Variants in UBR1 observed in about 807,000 individuals in gnomAD.
UBR1 encodes the protein ubiquitin protein ligase E3 component n-recognin 1, also known as E3 ubiquitin-protein ligase UBR1.
Under a neutral mutation model 242.1 loss-of-function variants are expected in UBR1, and 102 were observed. The ratio of observed to expected loss-of-function variants is 0.42; its 90% CI spans 0.36 to 0.50. The LOEUF (loss-of-function observed/expected upper bound fraction) is 0.50, where lower values mean the gene tolerates loss of function less well. UBR1 is among the 20% of genes least tolerant of loss of function. UBR1 has a pLI of 0.01. For missense variants in UBR1, 1,772 were observed against 2,101.8 expected (o/e 0.84, Z 3.07); for synonymous variants, 675 against 684.8 (o/e 0.99, Z 0.22).
rs750948370 is a variant in UBR1 at position 43,024,854 on chromosome 15, A to C, written c.2714T>G (p.Leu905Trp). The change falls in exon 25 of 47, where the codon TTG becomes TGG. Residue 905 changes from leucine (L) to tryptophan (W), a missense_variant. Leu to Trp is a moderately conservative substitution (Grantham distance 61). This residue lies in a region of UBR1 where 965 missense variants were observed against 1,079.7 expected (regional missense o/e 0.89). Coordinates refer to ENST00000290650, the MANE Select transcript of UBR1 (RefSeq NM_174916.3). ...FERAIDTDSN[L>W]WTEGMLQMAF... is the part of the protein sequence containing the mutation. ...CATTTGGAGCATCCCTTCGGTCCAC[A>C]AGTTAGAATCTGTGTCTATTGCCCG... The C allele has an allele frequency of 6.2e-7, 1 of 1,614,182 alleles. No individual in the cohort carries two copies. Among genetic ancestry groups the C allele is most frequent in the Non-Finnish European group, 8.5e-7 (1 of 1,180,024 alleles).
chr15:43,007,339 T>A (rs557501337), intron 29 of UBR1, 55 bp from the exon 30 acceptor site: 1 of 1,544,206 alleles, frequency 6.5e-7, no homozygotes, highest in Non-Finnish European at 8.9e-7. Context: ...CTTGTCTTCA[T>A]ATTTTGGTAG....
At chr15:42,991,255 G>A (rs547468800) in intron 33 of UBR1, among the ~76,000 whole-genome samples, 631 of 150,960 alleles carry the variant, frequency 4.2e-3, no homozygotes, top group African/African-American at 0.011. Flanking sequence ...CAGCCTGGGC[G>A]ACAAAGCGAC....
Position 43,060,059 on chromosome 15 carries a change from T to C in UBR1, c.854A>G (p.Asp285Gly), listed in dbSNP as rs780542374. 6.2e-7 allele frequency: 1 copy of C among 1,614,160 alleles called. No individual in the cohort carries two copies. Among genetic ancestry groups the C allele is most frequent in the Non-Finnish European group, 8.5e-7 (1 of 1,180,012 alleles). ...CCTAATTCAGAAAGTTACCTTTATATCTTCCTTTGCTTCCTGGCAAGCAGC... is the reference window on the plus strand; with the variant it reads ...CCTAATTCAGAAAGTTACCTTTATACCTTCCTTTGCTTCCTGGCAAGCAGC... ...AYAACQEAKEDIKSHSENVSQ... is the reference protein window; with the variant it reads ...AYAACQEAKEGIKSHSENVSQ... Residue 285 changes from aspartate (D) to glycine (G), a missense_variant, in exon 7 of 47, where the codon GAT (aspartate) becomes GGT (glycine). Transcript: ENST00000290650.
At chr15:43,058,761 A>C (rs2033647826) in intron 9 of UBR1, among the ~76,000 whole-genome samples, 3 of 152,084 alleles carry the variant, frequency 2.0e-5, no homozygotes, top group Admixed American at 2.0e-4. Flanking sequence ...AGATTTTTAC[A>C]ATGAAAATAG....
intron 33 of UBR1, among the ~76,000 whole-genome samples, chr15:42,997,447 C>G (rs2032657366): frequency 6.6e-6 from 1 of 152,224 alleles, no homozygotes; most frequent in African/African-American, 2.4e-5. Flanking sequence ...CGAGGAAAAA[C>G]TGTCTTCCAT....
intron 1 of UBR1, among the ~76,000 whole-genome samples, chr15:43,087,775 C>A (rs898202271): frequency 6.6e-6 from 1 of 151,840 alleles, no homozygotes; most frequent in Non-Finnish European, 1.5e-5. Flanking sequence ...TATTTTTAAT[C>A]GTCAAAGACT....
Position 42,944,881 on chromosome 15 carries a change from A to C in UBR1, c.*448T>G, listed in dbSNP as rs181719334. On this transcript the variant is annotated 3_prime_UTR_variant, in exon 47 of 47. Transcript: ENST00000290650. ...CCAAGTATATTGCATGGTTTCTGCA[A>C]TTCTTCTTTAACTGCAAGGAAGACT... 2.1e-5 allele frequency: 4 copies of C among 191,804 alleles called. No individual in the cohort carries two copies. The East Asian group carries it at 4.3e-4, about 20-fold the overall frequency. The allele number at this position is 191,804 out of a possible 1,614,324, so 11.9% of individuals were successfully genotyped here. A position where few individuals can be genotyped will look rare whatever the true frequency, so the allele number is the denominator to read the frequency against.
At chr15:43,074,385 A>T (rs187634100) in intron 4 of UBR1, among the ~76,000 whole-genome samples, 1 of 152,246 alleles carries the variant, frequency 6.6e-6, no homozygotes, top group East Asian at 1.9e-4. Context: ...TGCTACTCTT[A>T]TCTATTAATA....
chr15:43,086,454 AAAG>A (rs913180462), intron 1 of UBR1, among the ~76,000 whole-genome samples: 6 of 151,812 alleles, frequency 4.0e-5, no homozygotes, highest in Non-Finnish European at 5.9e-5. Context: ...AAAAAAAAAA[AAAG>A]AAGAGTAGCT....
intron 40 of UBR1, among the ~76,000 whole-genome samples, chr15:42,966,516 A>G (rs1238150157): frequency 2.0e-5 from 3 of 152,070 alleles, no homozygotes; most frequent in Non-Finnish European, 4.4e-5. Flanking sequence ...GCAAAACCCC[A>G]GTCTCTACTG....
At position 43,047,253 on chromosome 15, in the gene UBR1, T is replaced by C; in HGVS notation, c.1576A>G (p.Ile526Val). ...EEIRRQVGQH[I>V]EVDPDWEAAI... ...GCCTCCCAATCAGGATCCACTTCAA[T>C]GTGTTGCCCAACCTGTCTTCGGATT... The change falls in exon 14 of 47, where the codon ATT becomes GTT. Residue 526 changes from isoleucine (I) to valine (V), a missense_variant. By Grantham distance (29) the Ile-to-Val change is conservative. This residue lies in a region of UBR1 where 734 missense variants were observed against 893.3 expected (regional missense o/e 0.82). Transcript: ENST00000290650. 2 of 1,614,218 alleles carry C rather than the reference T, an allele frequency of 1.2e-6. No homozygotes were observed. Among genetic ancestry groups the C allele is most frequent in the Non-Finnish European group, 1.7e-6 (2 of 1,180,034 alleles).
intron 4 of UBR1, 137 bp from the exon 5 acceptor site, chr15:43,071,062 A>C: frequency 6.6e-6 from 8 of 1,217,524 alleles, no homozygotes; most frequent in Non-Finnish European, 8.1e-6. Context: ...AGTTGAGCTC[A>C]AGAGGGTTGC....
chr15:42,950,520 T>C (rs966378622), intron 45 of UBR1, 157 bp from the exon 46 acceptor site: 3 of 667,856 alleles, frequency 4.5e-6, no homozygotes, highest in Non-Finnish European at 8.0e-6. Flanking sequence ...TTATGTTTTG[T>C]CTAAATAAAA....
chr15:43,069,782 AC>A (rs2141346048), intron 5 of UBR1, among the ~76,000 whole-genome samples: 1 of 152,288 alleles, frequency 6.6e-6, no homozygotes, highest in African/African-American at 2.4e-5. Flanking sequence ...GACCCGTGCT[AC>A]CCACATAAAA....
At chr15:43,090,408 G>C (rs1423929363) in intron 1 of UBR1, among the ~76,000 whole-genome samples, 1 of 151,964 alleles carries the variant, frequency 6.6e-6, no homozygotes, top group Non-Finnish European at 1.5e-5. Context: ...TATTTTGGAA[G>C]TAATTTTATA....
chr15:43,054,644 C>T (rs1304327633), intron 12 of UBR1, 98 bp downstream of exon 12: 37 of 1,378,616 alleles, frequency 2.7e-5, no homozygotes, highest in Non-Finnish European at 7.2e-6. Context: ...AAAGAGAATT[C>T]TGGATAACCA....
intron 9 of UBR1, among the ~76,000 whole-genome samples, chr15:43,058,730 T>C (rs534934863): frequency 3.0e-4 from 46 of 152,324 alleles, no homozygotes; most frequent in African/African-American, 1.1e-3. Flanking sequence ...CTTTTAGCCT[T>C]TTACGTTTTG....
At chr15:43,038,134 G>C in intron 16 of UBR1, 37 bp downstream of exon 16, 1 of 1,604,822 alleles carries the variant, frequency 6.2e-7, no homozygotes, top group Non-Finnish European at 8.5e-7. Flanking sequence ...TTCAGAAACA[G>C]AATATAAGCA....
intron 1 of UBR1, among the ~76,000 whole-genome samples, chr15:43,103,025 A>G (rs9806236): frequency 0.044 from 6,724 of 152,250 alleles, 503 homozygotes; most frequent in African/African-American, 0.15. Context: ...AAAATCAGCC[A>G]GGTGTGGTGG....
Sources: allele counts gnomAD v4.1 joint callset (sites outside exome capture counted in the v4.1 genomes callset), GRCh38; gene constraint gnomAD v4.1.1; regional missense constraint gnomAD v4.1.1; transcripts MANE v1.5; gene names NCBI Gene and HGNC (gene_info 2026-07-23, HGNC 2026-07-21).